PNLIPRP3: variants seen among roughly 807,000 people sequenced by gnomAD.
PNLIPRP3 encodes pancreatic lipase related protein 3, also known as pancreatic lipase-related protein 3.
PNLIPRP3 carries 58 observed loss-of-function variants against 52.8 expected under a neutral mutation model. That is an observed-to-expected ratio of 1.10 (90% CI 0.89 to 1.37). PNLIPRP3 has a LOEUF of 1.37. Among genes scored for constraint, PNLIPRP3 ranks in the 40% most tolerant of loss-of-function variants. The pLI, the probability that PNLIPRP3 is intolerant of heterozygous loss-of-function variation, is 0.00. For synonymous variants in PNLIPRP3, 192 were observed against 185.0 expected, an observed-to-expected ratio of 1.04 and a Z score of -0.31; for missense variants, 593 against 561.6, an observed-to-expected ratio of 1.06 and a Z score of -0.57.
chr10:116,436,023 G>A (rs540788754), intron 1 of PNLIPRP3, among the ~76,000 whole-genome samples: 18 of 152,322 alleles, frequency 1.2e-4, no homozygotes, highest in South Asian at 8.3e-4. Flanking sequence ...AGAGTAGAGC[G>A]TGCAGAAATA....
At chr10:116,447,834 G>T (rs1250128506) in intron 4 of PNLIPRP3, among the ~76,000 whole-genome samples, 1 of 152,036 alleles carries the variant, frequency 6.6e-6, no homozygotes, top group African/African-American at 2.4e-5. Flanking sequence ...CTACATGGGA[G>T]GCTAAGGCAT....
At position 116,465,468 on chromosome 10, in the gene PNLIPRP3, G is replaced by A. The variant is rs377367101; in HGVS notation, c.809-582G>A. 2.6e-5 allele frequency among the ~76,000 whole-genome samples: 4 copies of A among 152,102 alleles called. No individual in the cohort carries two copies. The South Asian group carries it at 8.3e-4, about 32-fold the overall frequency. On this transcript the variant is annotated intron_variant, in intron 7 of 11. Coordinates refer to ENST00000369230, the MANE Select transcript of PNLIPRP3 (RefSeq NM_001011709.3). ...GAGAATGGCGTGAACCCCGGAGGTG[G>A]AGCTTGCAGTGAGCCGAGATTGCAC...
chr10:116,441,367 T>C (rs1035259561), intron 2 of PNLIPRP3, among the ~76,000 whole-genome samples: 4 of 152,208 alleles, frequency 2.6e-5, no homozygotes, highest in Admixed American at 2.0e-4. Context: ...GTCAGAATGC[T>C]ATTCTCATGT....
chr10:116,464,944 A>C (rs1846257316), intron 7 of PNLIPRP3, among the ~76,000 whole-genome samples: 1 of 152,196 alleles, frequency 6.6e-6, no homozygotes, highest in African/African-American at 2.4e-5. Flanking sequence ...ACAGTGTTTC[A>C]GCAGCTCCTT....
rs76033042 is a variant in PNLIPRP3 at position 116,462,899 on chromosome 10, C to T, written c.808+1609C>T. Among the ~76,000 whole-genome samples the T allele has an allele frequency of 3.6e-3, 549 of 152,212 alleles. 4 individuals carry two copies. The highest frequency in any genetic ancestry group is 6.4e-3 in the Non-Finnish European group (438 of 67,974). The stretch of plus-strand genomic sequence containing the variant: ...CTATAACTTTATTGGATTAAAAGAA[C>T]ATTTATCATTCATGTTAAACCTTTG... On this transcript the variant is annotated intron_variant, in intron 7 of 11. Transcript: ENST00000369230.
At chr10:116,473,514 T>C (rs1400159225) in intron 10 of PNLIPRP3, among the ~76,000 whole-genome samples, 2 of 152,142 alleles carry the variant, frequency 1.3e-5, no homozygotes, top group Admixed American at 6.5e-5. Flanking sequence ...GCTAAATTTC[T>C]TTTTCTTTCT....
chr10:116,448,962 G>A (rs1193741330), intron 4 of PNLIPRP3, among the ~76,000 whole-genome samples: 2 of 150,694 alleles, frequency 1.3e-5, no homozygotes, highest in Admixed American at 6.6e-5. Flanking sequence ...GTTGCAGTGA[G>A]CCAAGATAGT....
chr10:116,457,408 A>C (rs1846131410), intron 5 of PNLIPRP3, among the ~76,000 whole-genome samples: 1 of 152,072 alleles, frequency 6.6e-6, no homozygotes. Flanking sequence ...TTTAAATTCA[A>C]ATCTCAATTT....
At chr10:116,439,519 TC>T in intron 2 of PNLIPRP3, 1 of 796,788 alleles carries the variant, frequency 1.3e-6, no homozygotes, top group East Asian at 2.5e-5. Context: ...TCCACTTTTT[TC>T]CGGGCAACTT....
At chr10:116,447,413 A>C (rs1232694365) in intron 4 of PNLIPRP3, among the ~76,000 whole-genome samples, 2 of 152,192 alleles carry the variant, frequency 1.3e-5, no homozygotes, top group Non-Finnish European at 2.9e-5. Flanking sequence ...CAACATAAAG[A>C]GTCAAGGAAA....
intron 4 of PNLIPRP3, 73 bp from the exon 5 acceptor site, chr10:116,455,649 C>G (rs1478993189): frequency 1.2e-6 from 1 of 858,954 alleles, no homozygotes. Context: ...TTTTTTTTTT[C>G]TATTTTTAAA....
At chr10:116,433,363 A>G (rs1039759873) in intron 1 of PNLIPRP3, among the ~76,000 whole-genome samples, 5 of 152,176 alleles carry the variant, frequency 3.3e-5, no homozygotes, top group Non-Finnish European at 7.3e-5. Context: ...ATAAATAAGC[A>G]AAAACAAACT....
intron 10 of PNLIPRP3, among the ~76,000 whole-genome samples, chr10:116,475,975 A>G (rs761719995): frequency 6.6e-6 from 1 of 152,172 alleles, no homozygotes; most frequent in Non-Finnish European, 1.5e-5. Flanking sequence ...GGAAGCTCTT[A>G]TGGGTAAGAG....
intron 1 of PNLIPRP3, among the ~76,000 whole-genome samples, chr10:116,428,932 G>A (rs1003745467): frequency 6.6e-6 from 1 of 152,012 alleles, no homozygotes; most frequent in African/African-American, 2.4e-5. Context: ...TTTAGTCCTC[G>A]TTCTGCTGCT....
intron 1 of PNLIPRP3, among the ~76,000 whole-genome samples, chr10:116,436,333 A>G (rs1242053899): frequency 6.6e-6 from 1 of 152,230 alleles, no homozygotes; most frequent in East Asian, 1.9e-4. Flanking sequence ...ACCTTATGCC[A>G]TATACAAAAT....
chr10:116,472,191 T>G (rs560325000), intron 10 of PNLIPRP3, among the ~76,000 whole-genome samples: 1 of 152,326 alleles, frequency 6.6e-6, no homozygotes, highest in South Asian at 2.1e-4. Flanking sequence ...ATTCACTTAA[T>G]ATTATACAAA....
chr10:116,436,371 G>T (rs1845773364), intron 1 of PNLIPRP3, among the ~76,000 whole-genome samples: 1 of 152,150 alleles, frequency 6.6e-6, no homozygotes, highest in Non-Finnish European at 1.5e-5. Flanking sequence ...TTAAATGTAA[G>T]ACTTGAAATT....
intron 7 of PNLIPRP3, among the ~76,000 whole-genome samples, chr10:116,462,738 A>G (rs1342519484): frequency 3.3e-5 from 5 of 152,164 alleles, no homozygotes; most frequent in African/African-American, 9.6e-5. Context: ...CCTTTCTATT[A>G]GGACAAAATA....
At chr10:116,443,030 C>A in intron 2 of PNLIPRP3, 25 bp from the exon 3 acceptor site, 1 of 1,496,478 alleles carries the variant, frequency 6.7e-7, no homozygotes, top group South Asian at 1.4e-5. Flanking sequence ...ATTATTTTTC[C>A]TTAATCTCTT....
Sources: allele counts gnomAD v4.1 joint callset (sites outside exome capture counted in the v4.1 genomes callset), GRCh38; gene constraint gnomAD v4.1.1; transcripts MANE v1.5; gene names NCBI Gene and HGNC (gene_info 2026-07-23, HGNC 2026-07-21).